Variants in PRRG1 observed in about 807,000 individuals in gnomAD.
PRRG1 encodes transmembrane gamma-carboxyglutamic acid protein 1.
PRRG1 carries 5 observed loss-of-function variants against 11.8 expected under a neutral mutation model. That is an observed-to-expected ratio of 0.42 (90% confidence interval 0.22 to 0.89). The LOEUF (loss-of-function observed/expected upper bound fraction) is 0.89. PRRG1 is among the 40% of genes least tolerant of loss of function. PRRG1 has a pLI of 0.28. For synonymous variants in PRRG1, 66 were observed against 60.4 expected (o/e 1.09, Z -0.43); for missense variants, 155 against 166.1 (o/e 0.93, Z 0.37).
intron 1 of PRRG1, among the ~76,000 whole-genome samples, chrX:37,367,191 T>A (rs1333169953): frequency 8.9e-6 from 1 of 112,376 alleles, no homozygotes; most frequent in African/African-American, 3.2e-5. Context: ...AAAGTATACA[T>A]TTTTGTAAAA....
At chrX:37,395,198 G>A (rs1931672648) in intron 1 of PRRG1, among the ~76,000 whole-genome samples, 2 of 112,171 alleles carry the variant, frequency 1.8e-5, no homozygotes, top group Non-Finnish European at 3.8e-5. Context: ...TGGCAGACAA[G>A]GCCTCAAGCC....
intron 1 of PRRG1, among the ~76,000 whole-genome samples, chrX:37,392,415 TC>T (rs1556376968): frequency 9.1e-6 from 1 of 109,729 alleles, no homozygotes; most frequent in African/African-American, 3.3e-5. Flanking sequence ...ACACCTGTAA[TC>T]TCAGCACTTT....
chrX:37,363,695 A>G (rs1930482989), intron 1 of PRRG1, among the ~76,000 whole-genome samples: 1 of 112,300 alleles, frequency 8.9e-6, no homozygotes, highest in African/African-American at 3.2e-5. Flanking sequence ...GATGCCTGAA[A>G]GTGTACTTGG....
intron 2 of PRRG1, among the ~76,000 whole-genome samples, chrX:37,423,674 A>AT (rs1264729271): frequency 3.7e-5 from 4 of 109,541 alleles, no homozygotes; most frequent in African/African-American, 6.7e-5. Context: ...CAGCCAAAAT[A>AT]TTTTTTTTAA....
At chrX:37,391,060 T>C (rs1430557804) in intron 1 of PRRG1, among the ~76,000 whole-genome samples, 1 of 112,031 alleles carries the variant, frequency 8.9e-6, no homozygotes, top group Non-Finnish European at 1.9e-5. Flanking sequence ...TGCTCCTTCA[T>C]TTTTAATCTG....
chrX:37,434,808 T>C (rs1932867643), intron 3 of PRRG1, among the ~76,000 whole-genome samples: 1 of 112,195 alleles, frequency 8.9e-6, no homozygotes, highest in Non-Finnish European at 1.9e-5. Context: ...TTTTCTCTCT[T>C]CTCTCTATGA....
chrX:37,372,779 C>T (rs1291309418), intron 1 of PRRG1, among the ~76,000 whole-genome samples: 1 of 112,693 alleles, frequency 8.9e-6, no homozygotes, highest in Non-Finnish European at 1.9e-5. Context: ...CTTGGCTGTC[C>T]AGAAACTTTT....
At chrX:37,361,911 T>C (rs782786266) in intron 1 of PRRG1, among the ~76,000 whole-genome samples, 21 of 112,346 alleles carry the variant, frequency 1.9e-4, no homozygotes, top group Non-Finnish European at 3.2e-4. Flanking sequence ...AACGTAAGCC[T>C]AGGTTTAAAA....
intron 3 of PRRG1, among the ~76,000 whole-genome samples, chrX:37,440,559 G>T (rs1368072504): frequency 8.9e-6 from 1 of 111,940 alleles, no homozygotes; most frequent in Non-Finnish European, 1.9e-5. Flanking sequence ...AGATGATAAA[G>T]AAGTAGTTCT....
intron 2 of PRRG1, among the ~76,000 whole-genome samples, chrX:37,423,274 A>G (rs951951347): frequency 1.8e-5 from 2 of 111,056 alleles, no homozygotes; most frequent in African/African-American, 6.5e-5. Flanking sequence ...AAAAGTTTCA[A>G]AAGTAAAAAA....
At chrX:37,405,460 A>C in intron 1 of PRRG1, among the ~76,000 whole-genome samples, 1 of 111,860 alleles carries the variant, frequency 8.9e-6, no homozygotes, top group Non-Finnish European at 1.9e-5. Context: ...TGACAAGTGA[A>C]TAATAAATAC....
At chrX:37,450,108 A>T (rs1487025477) in intron 3 of PRRG1, among the ~76,000 whole-genome samples, 2 of 112,354 alleles carry the variant, frequency 1.8e-5, no homozygotes, top group African/African-American at 6.5e-5. Flanking sequence ...TTTTGACTAC[A>T]CATTGAAAAT....
chrX:37,357,353 A>G (rs1358653172), intron 1 of PRRG1, among the ~76,000 whole-genome samples: 3 of 111,977 alleles, frequency 2.7e-5, no homozygotes, highest in Non-Finnish European at 5.6e-5. Context: ...AAATAAAGCT[A>G]TTATAAATAT....
chrX:37,376,028 C>T (rs1474377994), intron 1 of PRRG1, among the ~76,000 whole-genome samples: 10 of 111,457 alleles, frequency 9.0e-5, no homozygotes, highest in Non-Finnish European at 1.9e-4. Flanking sequence ...GTAATTGCAA[C>T]CTCTAATGGA....
chrX:37,392,579 G>A (rs1430459953), intron 1 of PRRG1, among the ~76,000 whole-genome samples: 1 of 103,755 alleles, frequency 9.6e-6, no homozygotes, highest in Non-Finnish European at 2.0e-5. Flanking sequence ...GATCACTTGA[G>A]CCTGGGAGGC....
intron 1 of PRRG1, among the ~76,000 whole-genome samples, chrX:37,350,208 TCTGGCTCCAGCCA>T (rs1274535956): frequency 8.9e-6 from 1 of 112,460 alleles, no homozygotes; most frequent in East Asian, 2.8e-4. Context: ...GCGTTTGGAC[TCTGGCTCCAGCCA>T]CTGGTTTTTG....
rs782269572 is a variant in PRRG1, at chrX:37,379,248, G to A, written c.-41-26961G>A. ...GTCCTTTACTTACTGCTTTTATAGC[G>A]TCTGTGATGGGTTTATTGCATTTTT... On this transcript the variant is annotated intron_variant, in intron 1 of 3. Transcript: ENST00000378628. Among the ~76,000 whole-genome samples the A allele has an allele frequency of 1.2e-3, 127 of 107,758 alleles. 1 individual carries two copies. The highest frequency in any genetic ancestry group is 2.0e-3 in the Non-Finnish European group (105 of 51,940). The allele number at this position is 107,758 out of a possible 115,157, so 93.6% of individuals were successfully genotyped here.
intron 1 of PRRG1, among the ~76,000 whole-genome samples, chrX:37,403,999 T>C (rs782412402): frequency 8.9e-6 from 1 of 112,556 alleles, no homozygotes; most frequent in Admixed American, 9.4e-5. Flanking sequence ...GCTTGTTGTC[T>C]CCACCATGCT....
At chrX:37,402,884 C>G (rs1439056370) in intron 1 of PRRG1, among the ~76,000 whole-genome samples, 21 of 112,156 alleles carry the variant, frequency 1.9e-4, no homozygotes, top group African/African-American at 6.8e-4. Flanking sequence ...AAAAAATGCT[C>G]ACCATCACTG....
Sources: allele counts gnomAD v4.1 joint callset (sites outside exome capture counted in the v4.1 genomes callset), GRCh38; gene constraint gnomAD v4.1.1; transcripts MANE v1.5; gene names NCBI Gene and HGNC (gene_info 2026-07-23, HGNC 2026-07-21).